The following SGIP1 variants were observed in gnomAD, a reference collection of about 807,000 sequenced individuals.
SGIP1 encodes SH3GL interacting endocytic adaptor 1, also known as SH3-containing GRB2-like protein 3-interacting protein 1.
SGIP1 carries 38 observed loss-of-function variants against 107.5 expected under a neutral mutation model. That is an observed-to-expected ratio of 0.35 (90% CI 0.27 to 0.46). The LOEUF (loss-of-function observed/expected upper bound fraction) is 0.46. Among genes scored for constraint, SGIP1 ranks in the 20% least tolerant of loss-of-function variants. SGIP1 has a pLI of 1.00. For missense variants in SGIP1, 929 were observed against 1,019.5 expected (o/e 0.91, Z 1.21); for synonymous variants, 365 against 366.1 (o/e 1.00, Z 0.03).
chr1:66,715,742 C>G (rs2093201934), intron 18 of SGIP1, among the ~76,000 whole-genome samples: 1 of 152,078 alleles, frequency 6.6e-6, no homozygotes, highest in African/African-American at 2.4e-5. Flanking sequence ...ACTAAAACCT[C>G]CAGGTGCTTT....
chr1:66,710,864 G>A (rs546072668), intron 18 of SGIP1, among the ~76,000 whole-genome samples: 1 of 152,206 alleles, frequency 6.6e-6, no homozygotes, highest in South Asian at 2.1e-4. Flanking sequence ...GCTTACATCA[G>A]AGCCACTTCA....
rs374591737 is a variant in SGIP1, at chr1:66,705,655, T to G, written c.1630+10162T>G. On this transcript the variant is annotated intron_variant, in intron 18 of 24. Transcript: ENST00000371037. ...ATTCTTCCTACTTCTCCAATCATAT[T>G]TATCAGTCCCATTGGGAGAATAACT... 1.3e-4 allele frequency among the ~76,000 whole-genome samples: 20 copies of G among 152,274 alleles called. No homozygotes were observed. In the East Asian group the frequency reaches 3.9e-3, roughly 29 times the overall value.
At chr1:66,647,760 C>T (rs1371538366) in intron 7 of SGIP1, among the ~76,000 whole-genome samples, 3 of 152,182 alleles carry the variant, frequency 2.0e-5, no homozygotes, top group Non-Finnish European at 2.9e-5. Context: ...TCCAGTGTCC[C>T]TCTGTTTATG....
intron 15 of SGIP1, 128 bp downstream of exon 15, chr1:66,682,497 G>A: frequency 2.6e-6 from 3 of 1,149,710 alleles, no homozygotes; most frequent in African/African-American, 3.1e-5. Flanking sequence ...TAGTCTGGGT[G>A]TCCTGTGGCC....
chr1:66,634,055 A>G, intron 3 of SGIP1: 2 of 1,573,428 alleles, frequency 1.3e-6, no homozygotes, highest in Admixed American at 3.5e-5. Flanking sequence ...ACATTGGGTA[A>G]CACTATAATC....
At chr1:66,559,624 C>A (rs545832931) in intron 1 of SGIP1, among the ~76,000 whole-genome samples, 3 of 152,180 alleles carry the variant, frequency 2.0e-5, no homozygotes, top group Admixed American at 1.3e-4. Context: ...CTCTACTCTG[C>A]CATCCTCTGC....
intron 4 of SGIP1, among the ~76,000 whole-genome samples, chr1:66,638,714 G>A (rs372657123): frequency 4.6e-5 from 7 of 152,176 alleles, no homozygotes; most frequent in African/African-American, 1.4e-4. Flanking sequence ...GTTATCTAGT[G>A]ATCCTATGTG....
At chr1:66,671,303 G>A (rs559231521) in intron 10 of SGIP1, among the ~76,000 whole-genome samples, 11 of 152,260 alleles carry the variant, frequency 7.2e-5, no homozygotes, top group Non-Finnish European at 1.3e-4. Context: ...CTTTAGAAAT[G>A]AATTTAATCA....
At chr1:66,542,196 T>C (rs972173449) in intron 1 of SGIP1, among the ~76,000 whole-genome samples, 5 of 152,100 alleles carry the variant, frequency 3.3e-5, no homozygotes, top group African/African-American at 1.2e-4. Flanking sequence ...GTTTTACCTA[T>C]GATCATTTTA....
At chr1:66,553,030 C>T (rs1418863378) in intron 1 of SGIP1, among the ~76,000 whole-genome samples, 1 of 152,112 alleles carries the variant, frequency 6.6e-6, no homozygotes, top group Non-Finnish European at 1.5e-5. Flanking sequence ...TTTTGTTTTT[C>T]TCTTAACTCT....
chr1:66,551,526 G>A (rs2057406315), intron 1 of SGIP1, among the ~76,000 whole-genome samples: 1 of 152,084 alleles, frequency 6.6e-6, no homozygotes. Flanking sequence ...TACTTTCATT[G>A]TAGTTAAGGC....
intron 1 of SGIP1, among the ~76,000 whole-genome samples, chr1:66,609,833 G>A (rs1442493351): frequency 6.6e-6 from 1 of 152,146 alleles, no homozygotes; most frequent in Non-Finnish European, 1.5e-5. Flanking sequence ...AAATACATTT[G>A]TGGAGAGCAC....
At chr1:66,641,720 T>C (rs2147776) in intron 5 of SGIP1, among the ~76,000 whole-genome samples, 80,739 of 152,012 alleles carry the variant, frequency 0.53, 22,776 homozygotes, top group East Asian at 0.91. Context: ...AATATGATCA[T>C]TCTAATCCCA....
intron 18 of SGIP1, among the ~76,000 whole-genome samples, chr1:66,709,613 T>G (rs2092773394): frequency 6.6e-6 from 1 of 152,168 alleles, no homozygotes; most frequent in African/African-American, 2.4e-5. Context: ...GTTCCTCCCC[T>G]TTTGAGGTTT....
Position 66,745,176 on chromosome 1 carries a change from C to T in SGIP1, c.*2081C>T, listed in dbSNP as rs982633222. On this transcript the variant is annotated 3_prime_UTR_variant, in exon 25 of 25. Transcript: ENST00000371037. ...AGTAATTAAACACAAGGGTTTTTTTCCCAAAAAATAATTTTACTGATTTTT... is the reference window on the plus strand; with the variant it reads ...AGTAATTAAACACAAGGGTTTTTTTTCCAAAAAATAATTTTACTGATTTTT... 6.6e-6 allele frequency: 1 copy of T among 150,904 alleles called. No individual in the cohort carries two copies. Among genetic ancestry groups the T allele is most frequent in the Non-Finnish European group, 1.5e-5 (1 of 67,618 alleles). The allele number at this position is 150,904 out of a possible 1,614,324, so 9.3% of individuals were successfully genotyped here. A position where few individuals can be genotyped will look rare whatever the true frequency, so the allele number is the denominator to read the frequency against.
chr1:66,669,950 GA>G (rs2083400150), intron 9 of SGIP1, among the ~76,000 whole-genome samples: 2 of 152,172 alleles, frequency 1.3e-5, no homozygotes, highest in African/African-American at 4.8e-5. Flanking sequence ...TTTGAGAGAA[GA>G]AAATGTATCT....
chr1:66,619,491 AC>A (rs1180768390), intron 1 of SGIP1, among the ~76,000 whole-genome samples: 1 of 152,114 alleles, frequency 6.6e-6, no homozygotes, highest in Non-Finnish European at 1.5e-5. Flanking sequence ...CTCTCTTCCC[AC>A]CCCAGTCCCT....
intron 15 of SGIP1, among the ~76,000 whole-genome samples, chr1:66,683,489 G>T (rs957513566): frequency 6.6e-6 from 1 of 152,122 alleles, no homozygotes; most frequent in Non-Finnish European, 1.5e-5. Flanking sequence ...TGGTGATCAA[G>T]AAGAGTGCTA....
At position 66,744,349 on chromosome 1, in the gene SGIP1, ATAATAAAAACTGTAATTAT is replaced by A. The variant is rs1382484969; in HGVS notation, c.*1256_*1274del. On this transcript the variant is annotated 3_prime_UTR_variant, in exon 25 of 25. Coordinates refer to ENST00000371037, the MANE Select transcript of SGIP1 (RefSeq NM_032291.4). Reference sequence around the variant, plus strand: ...GTATGTCGTTTCATCGTTGCAAGGTATAATAAAAACTGTAATTATTCAATCTGGCCCTGCCATATGAACA... The same window carrying A: ...GTATGTCGTTTCATCGTTGCAAGGTATCAATCTGGCCCTGCCATATGAACA... 6.6e-6 allele frequency: 1 copy of A among 152,264 alleles called. No homozygotes were observed. Among genetic ancestry groups the A allele is most frequent in the Admixed American group, 6.5e-5 (1 of 15,300 alleles). 9.4% of individuals were successfully genotyped at this position (152,264 alleles called of 1,614,324 possible).
Sources: allele counts gnomAD v4.1 joint callset (sites outside exome capture counted in the v4.1 genomes callset), GRCh38; gene constraint gnomAD v4.1.1; transcripts MANE v1.5; gene names NCBI Gene and HGNC (gene_info 2026-07-23, HGNC 2026-07-21).